The following KCNT2 variants were observed in gnomAD, a reference collection of about 807,000 sequenced individuals.
KCNT2 encodes potassium sodium-activated channel subfamily T member 2.
KCNT2 carries 67 observed loss-of-function variants against 153.8 expected under a neutral mutation model. That is an observed-to-expected ratio of 0.44 (90% CI 0.36 to 0.53). The LOEUF is 0.53. Ranked by LOEUF, KCNT2 falls within the 20% of genes least tolerant of loss-of-function variation. The pLI is 0.00. For missense variants in KCNT2, 975 were observed against 1,354.8 expected, an observed-to-expected ratio of 0.72 and a Z score of 4.40; for synonymous variants, 500 against 458.8, an observed-to-expected ratio of 1.09 and a Z score of -1.15.
At chr1:196,348,668 G>A (rs1346334567) in intron 14 of KCNT2, among the ~76,000 whole-genome samples, 1 of 152,030 alleles carries the variant, frequency 6.6e-6, no homozygotes, top group African/African-American at 2.4e-5. Flanking sequence ...ACAGAATATG[G>A]AGATGAAACA....
chr1:196,285,412 G>A (rs1370171265), intron 23 of KCNT2, among the ~76,000 whole-genome samples: 1 of 151,882 alleles, frequency 6.6e-6, no homozygotes, highest in Non-Finnish European at 1.5e-5. Context: ...AACACTGCAG[G>A]GCACTGGTAC....
chr1:196,475,636 G>A (rs1678469355), intron 5 of KCNT2, among the ~76,000 whole-genome samples: 1 of 151,658 alleles, frequency 6.6e-6, no homozygotes, highest in African/African-American at 2.4e-5. Flanking sequence ...CTTGAAGGAA[G>A]GAGTATGTTT....
rs189290639 is a variant in KCNT2 at position 196,546,749 on chromosome 1, T to C, written c.96-54408A>G. Among the ~76,000 whole-genome samples the C allele has an allele frequency of 1.8e-3, 280 of 151,700 alleles. 1 individual carries two copies. Among genetic ancestry groups the C allele is most frequent in the African/African-American group, 6.6e-3 (274 of 41,396 alleles). On this transcript the variant is annotated intron_variant, in intron 1 of 27. Transcript: ENST00000294725. ...AAACTTCCCTTAAAAAAAGAACAAG[T>C]AAAATCAGAAAGTCAAAAAAATCAT...
intron 13 of KCNT2, among the ~76,000 whole-genome samples, chr1:196,385,369 G>A (rs1197931422): frequency 1.3e-5 from 2 of 152,074 alleles, no homozygotes; most frequent in Admixed American, 1.3e-4. Context: ...AACTAAACAT[G>A]TCTATACATA....
chr1:196,299,035 A>G (rs1353055687), intron 22 of KCNT2, among the ~76,000 whole-genome samples: 2 of 151,984 alleles, frequency 1.3e-5, no homozygotes, highest in Non-Finnish European at 2.9e-5. Flanking sequence ...TTCAAAAGCA[A>G]TTTTAAAGAA....
intron 12 of KCNT2, among the ~76,000 whole-genome samples, chr1:196,407,906 C>G (rs1671965017): frequency 6.6e-6 from 1 of 151,208 alleles, no homozygotes; most frequent in South Asian, 2.1e-4. Context: ...ACCTAAGATG[C>G]CTCAAAGTTT....
At chr1:196,561,253 T>G (rs959065498) in intron 1 of KCNT2, among the ~76,000 whole-genome samples, 2 of 151,442 alleles carry the variant, frequency 1.3e-5, no homozygotes, top group Non-Finnish European at 2.9e-5. Context: ...CAGTTAAGTT[T>G]AAAGAGAAAA....
chr1:196,364,925 T>C (rs1337270677), intron 14 of KCNT2, among the ~76,000 whole-genome samples: 1 of 152,074 alleles, frequency 6.6e-6, no homozygotes, highest in East Asian at 1.9e-4. Context: ...TGCAACTTTT[T>C]AAAATTAATT....
intron 14 of KCNT2, 50 bp downstream of exon 14, chr1:196,373,090 T>C (rs1313859486): frequency 6.9e-6 from 6 of 873,072 alleles, no homozygotes; most frequent in South Asian, 1.4e-5. Context: ...ACTGCCCTTA[T>C]TGTTTTTTAT....
chr1:196,486,974 T>C (rs1572615413), intron 3 of KCNT2, among the ~76,000 whole-genome samples: 1 of 152,056 alleles, frequency 6.6e-6, no homozygotes, highest in Non-Finnish European at 1.5e-5. Flanking sequence ...TGGAAACATT[T>C]AATCCCAGGT....
At chr1:196,472,867 C>T (rs1380372266) in intron 5 of KCNT2, among the ~76,000 whole-genome samples, 1 of 152,002 alleles carries the variant, frequency 6.6e-6, no homozygotes, top group Admixed American at 6.6e-5. Context: ...TCATTCTTGC[C>T]CCATTCCAAT....
At chr1:196,518,788 C>T (rs1357696950) in intron 1 of KCNT2, among the ~76,000 whole-genome samples, 6 of 152,088 alleles carry the variant, frequency 3.9e-5, no homozygotes, top group Non-Finnish European at 8.8e-5. Flanking sequence ...AAAGCAAGTT[C>T]TTAAACTTAC....
At chr1:196,331,955 C>T (rs1207343579) in intron 17 of KCNT2, among the ~76,000 whole-genome samples, 3 of 152,004 alleles carry the variant, frequency 2.0e-5, no homozygotes, top group African/African-American at 2.4e-5. Context: ...CAGCATATTT[C>T]GGCTATACTG....
At chr1:196,599,651 A>T (rs1372373302) in intron 1 of KCNT2, among the ~76,000 whole-genome samples, 1 of 152,184 alleles carries the variant, frequency 6.6e-6, no homozygotes, top group Non-Finnish European at 1.5e-5. Context: ...AAAGAGGTCA[A>T]AGAGTTGGAG....
Position 196,521,006 on chromosome 1 carries a change from C to A in KCNT2, c.96-28665G>T, listed in dbSNP as rs993424474. Among the ~76,000 whole-genome samples the A allele has an allele frequency of 2.0e-5, 3 of 152,134 alleles. No homozygotes were observed. The South Asian group carries it at 6.2e-4, about 31-fold the overall frequency. ...CAAAATAAACTATCAACAGAGTAAACAGACATTCTACAGAATGGGAGAAAA... is the reference window on the plus strand; with the variant it reads ...CAAAATAAACTATCAACAGAGTAAAAAGACATTCTACAGAATGGGAGAAAA... On this transcript the variant is annotated intron_variant, in intron 1 of 27. Coordinates refer to ENST00000294725, the MANE Select transcript of KCNT2 (RefSeq NM_198503.5).
chr1:196,383,021 A>G (rs998414157), intron 13 of KCNT2, among the ~76,000 whole-genome samples: 4 of 152,134 alleles, frequency 2.6e-5, no homozygotes, highest in African/African-American at 9.7e-5. Flanking sequence ...ATGAAAAACA[A>G]AGGAAGTCAG....
At chr1:196,463,994 T>A (rs1023372509) in intron 8 of KCNT2, among the ~76,000 whole-genome samples, 9 of 151,884 alleles carry the variant, frequency 5.9e-5, no homozygotes, top group Non-Finnish European at 7.4e-5. Flanking sequence ...CCACATTATA[T>A]TTAGTAATCA....
At chr1:196,401,521 A>AT (rs1671415476) in intron 12 of KCNT2, among the ~76,000 whole-genome samples, 1 of 151,816 alleles carries the variant, frequency 6.6e-6, no homozygotes, top group Non-Finnish European at 1.5e-5. Context: ...GTATTTTTAG[A>AT]TTAAAAAGCT....
chr1:196,271,985 A>G (rs1658104084), intron 25 of KCNT2, among the ~76,000 whole-genome samples: 1 of 151,950 alleles, frequency 6.6e-6, no homozygotes, highest in Non-Finnish European at 1.5e-5. Context: ...CTTGCTTTTA[A>G]CACTGAACAA....
Sources: allele counts gnomAD v4.1 joint callset (sites outside exome capture counted in the v4.1 genomes callset), GRCh38; gene constraint gnomAD v4.1.1; transcripts MANE v1.5; gene names NCBI Gene and HGNC (gene_info 2026-07-23, HGNC 2026-07-21).